The following NME7 variants were observed in gnomAD, a reference collection of about 807,000 sequenced individuals.
The protein encoded by NME7 is NME/NM23 family member 7.
A neutral mutation model predicts 49.1 loss-of-function variants in NME7; 41 were observed. That is an observed-to-expected ratio of 0.83 (90% CI 0.65 to 1.08). NME7 has a LOEUF of 1.08. Ranked by LOEUF, NME7 falls within the 50% of genes least tolerant of loss-of-function variation. The probability of loss-of-function intolerance (pLI) is 0.00; values close to 1 mark genes in which losing one functional copy is unlikely to be tolerated. For synonymous variants in NME7, 139 were observed against 150.6 expected, an observed-to-expected ratio of 0.92 and a Z score of 0.56; for missense variants, 423 against 463.4, an observed-to-expected ratio of 0.91 and a Z score of 0.80.
At chr1:169,254,529 A>G (rs1648820811) in intron 7 of NME7, among the ~76,000 whole-genome samples, 2 of 151,390 alleles carry the variant, frequency 1.3e-5, no homozygotes, top group South Asian at 2.1e-4. Context: ...TGGATTCATT[A>G]ATTTTTTGAA....
At chr1:169,320,811 T>C (rs549228439) in intron 3 of NME7, among the ~76,000 whole-genome samples, 1 of 152,302 alleles carries the variant, frequency 6.6e-6, no homozygotes, top group South Asian at 2.1e-4. Context: ...TTCAAATTTG[T>C]TTTTACATTA....
At chr1:169,219,552 A>G (rs575254446) in intron 10 of NME7, among the ~76,000 whole-genome samples, 4 of 142,508 alleles carry the variant, frequency 2.8e-5, no homozygotes, top group African/African-American at 1.0e-4. Context: ...CACTAAGATA[A>G]CCTTTATCAT....
intron 11 of NME7, among the ~76,000 whole-genome samples, chr1:169,153,615 T>C (rs1658971247): frequency 6.6e-6 from 1 of 152,184 alleles, no homozygotes; most frequent in Non-Finnish European, 1.5e-5. Context: ...ATACACTATC[T>C]GGTAACATTC....
intron 7 of NME7, among the ~76,000 whole-genome samples, chr1:169,241,644 A>C (rs2101833571): frequency 6.6e-6 from 1 of 151,964 alleles, no homozygotes; most frequent in East Asian, 1.9e-4. Context: ...GTAATAAAAA[A>C]ATTTTAAGTT....
At chr1:169,279,072 TGTGAG>T (rs1649882705) in intron 7 of NME7, among the ~76,000 whole-genome samples, 1 of 152,196 alleles carries the variant, frequency 6.6e-6, no homozygotes, top group Admixed American at 6.5e-5. Flanking sequence ...TACCTGGCCG[TGTGAG>T]GTGTCAGTCT....
At chr1:169,173,683 A>T (rs189770785) in intron 10 of NME7, among the ~76,000 whole-genome samples, 154 of 152,296 alleles carry the variant, frequency 1.0e-3, no homozygotes, top group African/African-American at 3.6e-3. Context: ...GAGTGAAATA[A>T]TAACAGCACT....
At chr1:169,211,095 T>C (rs757766924) in intron 10 of NME7, among the ~76,000 whole-genome samples, 10 of 152,162 alleles carry the variant, frequency 6.6e-5, no homozygotes, top group Non-Finnish European at 1.0e-4. Flanking sequence ...TTTTTTAAAT[T>C]CCAGTTTATC....
intron 10 of NME7, among the ~76,000 whole-genome samples, chr1:169,209,152 ACTT>A (rs1460799389): frequency 2.0e-5 from 3 of 152,080 alleles, no homozygotes; most frequent in African/African-American, 7.2e-5. Flanking sequence ...CCACACCACT[ACTT>A]TAAGAACAAA....
chr1:169,355,319 T>TATATATAATATATTGTATATA (rs2101983228), intron 1 of NME7, among the ~76,000 whole-genome samples: 1 of 107,734 alleles, frequency 9.3e-6, no homozygotes, highest in African/African-American at 3.6e-5. Context: ...TATTGTATAT[T>TATATATAATATATTGTATATA]ATATATAATA....
chr1:169,289,565 ATC>A (rs1474037779), intron 6 of NME7, among the ~76,000 whole-genome samples: 4 of 151,930 alleles, frequency 2.6e-5, no homozygotes. Flanking sequence ...TTTTTCTATT[ATC>A]TGTCTTTCCA....
In NME7 at chr1:169,287,374, C is replaced by T. The variant is rs377724965; in HGVS notation, c.683G>A (p.Cys228Tyr). ...MELFFPSSGG[C>Y]GPANTAKFTN... ...AAATTTAGCAGTGTTTGCCGGCCCA[C>T]AACCTCCACTTGAAGGAAAAAACAA... The change falls in exon 7 of 12, where the codon TGT becomes TAT. Residue 228 changes from cysteine (C) to tyrosine (Y), a missense_variant. Cys to Tyr is a radical substitution (Grantham distance 194, BLOSUM62 -2). Transcript: ENST00000367811. 9 of 1,603,122 alleles carry T rather than the reference C, an allele frequency of 5.6e-6. No homozygotes were observed. Among genetic ancestry groups the T allele is most frequent in the Non-Finnish European group, 7.7e-6 (9 of 1,175,866 alleles).
At chr1:169,335,700 T>C (rs1309913677) in intron 1 of NME7, among the ~76,000 whole-genome samples, 1 of 147,148 alleles carries the variant, frequency 6.8e-6, no homozygotes, top group Admixed American at 6.8e-5. Context: ...TATATATGTT[T>C]ATATATTTTA....
chr1:169,278,828 A>G (rs370748608), intron 7 of NME7, among the ~76,000 whole-genome samples: 7 of 151,792 alleles, frequency 4.6e-5, no homozygotes, highest in South Asian at 2.1e-4. Context: ...TCTACTTTTG[A>G]TCTTTGATGA....
chr1:169,323,021 C>A, intron 3 of NME7, 96 bp downstream of exon 3: 1 of 953,266 alleles, frequency 1.0e-6, no homozygotes. Context: ...CAGGTCCTAT[C>A]CATCCTCATA....
At chr1:169,191,155 GTGCTA>G (rs1660219105) in intron 10 of NME7, among the ~76,000 whole-genome samples, 1 of 152,184 alleles carries the variant, frequency 6.6e-6, no homozygotes, top group African/African-American at 2.4e-5. Flanking sequence ...AAATGGTGAA[GTGCTA>G]TTTAGACACT....
At chr1:169,260,210 G>T (rs990045948) in intron 7 of NME7, among the ~76,000 whole-genome samples, 5 of 133,028 alleles carry the variant, frequency 3.8e-5, no homozygotes, top group African/African-American at 1.3e-4. Context: ...GCAAAGAAGG[G>T]TACCATTTAT....
chr1:169,360,306 T>C (rs1440108343), intron 1 of NME7, among the ~76,000 whole-genome samples: 1 of 151,840 alleles, frequency 6.6e-6, no homozygotes, highest in Non-Finnish European at 1.5e-5. Context: ...CAAAAGAAGC[T>C]CAGAAAAATA....
rs186000565 is a variant in NME7, at chr1:169,276,257, G to A, written c.754+11046C>T. Among the ~76,000 whole-genome samples the A allele has an allele frequency of 7.8e-3, 1,049 of 133,664 alleles. 139 individuals carry two copies. Among genetic ancestry groups the A allele is most frequent in the African/African-American group, 0.025 (981 of 39,560 alleles). 87.7% of individuals were successfully genotyped at this position (133,664 alleles called of 152,430 possible). A position where few individuals can be genotyped will look rare whatever the true frequency, so the allele number is the denominator to read the frequency against. On this transcript the variant is annotated intron_variant, in intron 7 of 11. Transcript: ENST00000367811. ...TTATTCAGTGGAATAGTTTCAGAAG[G>A]AATGGTACCAGTTCCTCCTTGTACC... is the stretch of plus-strand genomic sequence containing the variant.
Position 169,256,018 on chromosome 1 carries a change from T to C in NME7, c.755-18331A>G, listed in dbSNP as rs1378759817. On this transcript the variant is annotated intron_variant, in intron 7 of 11. Coordinates refer to ENST00000367811, the MANE Select transcript of NME7 (RefSeq NM_013330.5). Reference sequence around the variant, plus strand: ...AACATTTTTACCTTCATTTCAACTTTGGTGAATCTGACCATTATGTGTCTT... The same window carrying C: ...AACATTTTTACCTTCATTTCAACTTCGGTGAATCTGACCATTATGTGTCTT... 5.0e-4 allele frequency among the ~76,000 whole-genome samples: 67 copies of C among 133,394 alleles called. 22 individuals carry two copies. The highest frequency in any genetic ancestry group is 1.1e-3 in the Non-Finnish European group (61 of 56,798). 87.5% of individuals were successfully genotyped at this position (133,394 alleles called of 152,430 possible).
Sources: allele counts gnomAD v4.1 joint callset (sites outside exome capture counted in the v4.1 genomes callset), GRCh38; gene constraint gnomAD v4.1.1; transcripts MANE v1.5; gene names NCBI Gene and HGNC (gene_info 2026-07-23, HGNC 2026-07-21).